Variants in SLCO3A1 observed in about 807,000 individuals in gnomAD.
SLCO3A1 encodes PGE1 transporter.
In SLCO3A1, 27 loss-of-function variants were observed where a neutral mutation model predicts 63.1. That is an observed-to-expected ratio of 0.43 (90% CI 0.32 to 0.59). The LOEUF is 0.59. SLCO3A1 is among the 20% of genes least tolerant of loss of function. The pLI, the probability that SLCO3A1 is intolerant of heterozygous loss-of-function variation, is 0.09. For synonymous variants in SLCO3A1, 473 were observed against 409.9 expected (o/e 1.15, Z -1.86); for missense variants, 773 against 945.8 (o/e 0.82, Z 2.40).
chr15:92,032,691 C>T (rs2046668475), intron 2 of SLCO3A1, among the ~76,000 whole-genome samples: 1 of 152,084 alleles, frequency 6.6e-6, no homozygotes. Context: ...CTTGCAGGTG[C>T]AGAGGCCCCC....
rs548717441 is a variant in SLCO3A1, at chr15:91,886,526, C to T, written c.181-29467C>T. On this transcript the variant is annotated intron_variant, in intron 1 of 9. Transcript: ENST00000318445. This position sits in a 1 kb window ranked among gnomAD's most constrained non-coding sequence, Gnocchi z 4.9. ...TTGGACCTGGTGATTTTCCTCTTTA[C>T]GCTTTGCCCTTCCAAAGAGAGATGG... Among the ~76,000 whole-genome samples, 7 of 152,298 alleles carry T rather than the reference C, an allele frequency of 4.6e-5. No homozygotes were observed. Among genetic ancestry groups the T allele is most frequent in the South Asian group, 2.1e-4 (1 of 4,824 alleles).
At chr15:92,152,151 A>G (rs1162274249) in intron 9 of SLCO3A1, among the ~76,000 whole-genome samples, 3 of 152,210 alleles carry the variant, frequency 2.0e-5, no homozygotes, top group Non-Finnish European at 4.4e-5. Context: ...TATTTTCTAA[A>G]TTTGTTTTAA....
intron 7 of SLCO3A1, 93 bp from the exon 8 acceptor site, chr15:92,146,891 T>C (rs1451014459): frequency 6.8e-6 from 8 of 1,181,550 alleles, no homozygotes; most frequent in African/African-American, 6.1e-5. Flanking sequence ...ACAGAATGTG[T>C]AATTAGGCTG....
Position 91,883,079 on chromosome 15 carries a change from C to G in SLCO3A1, c.180+28991C>G, listed in dbSNP as rs1022085740. 6.6e-6 allele frequency among the ~76,000 whole-genome samples: 1 copy of G among 152,230 alleles called. No individual in the cohort carries two copies. The highest frequency in any genetic ancestry group is 1.5e-5 in the Non-Finnish European group (1 of 68,046). ...AGAATGGTGAGGACTTGGGAAGGAG[C>G]CATGTGCTCCAGCCATTCAGATTCC... On this transcript the variant is annotated intron_variant, in intron 1 of 9. Coordinates refer to ENST00000318445, the MANE Select transcript of SLCO3A1 (RefSeq NM_013272.4). The surrounding 1 kb of genome is among the most constrained non-coding windows in gnomAD (Gnocchi z 4.8).
intron 2 of SLCO3A1, among the ~76,000 whole-genome samples, chr15:91,934,883 C>T (rs1304013434): frequency 1.3e-5 from 2 of 152,178 alleles, no homozygotes; most frequent in Admixed American, 6.5e-5. Flanking sequence ...ACTATAACTT[C>T]GCCTTTTTAT....
At position 91,948,926 on chromosome 15, in the gene SLCO3A1, G is replaced by GTT. The variant is rs200407433; in HGVS notation, c.646+32480_646+32481dup. Among the ~76,000 whole-genome samples the GTT allele has an allele frequency of 5.5e-5, 8 of 145,634 alleles. No individual in the cohort carries two copies. The highest frequency in any genetic ancestry group is 1.0e-4 in the African/African-American group (4 of 39,808). On this transcript the variant is annotated intron_variant, in intron 2 of 9. Coordinates refer to ENST00000318445, the MANE Select transcript of SLCO3A1 (RefSeq NM_013272.4). This position sits in a 1 kb window ranked among gnomAD's most constrained non-coding sequence, Gnocchi z 4.8. ...CATCCATTTAGGAATCAATACTTTG[G>GTT]TTTTTTTTTTTTTACTATTATTTCT... is the stretch of plus-strand genomic sequence containing the variant.
At chr15:91,898,550 A>C (rs1187602636) in intron 1 of SLCO3A1, among the ~76,000 whole-genome samples, 1 of 152,164 alleles carries the variant, frequency 6.6e-6, no homozygotes, top group Non-Finnish European at 1.5e-5. Context: ...CCTCATTTCC[A>C]GTGGATCTGG....
At chr15:91,899,392 C>G (rs933479010) in intron 1 of SLCO3A1, among the ~76,000 whole-genome samples, 1 of 152,146 alleles carries the variant, frequency 6.6e-6, no homozygotes, top group Non-Finnish European at 1.5e-5. Flanking sequence ...CACTTTGATG[C>G]ATTTGCTTAT....
chr15:92,085,194 C>G (rs2047390810), intron 2 of SLCO3A1, among the ~76,000 whole-genome samples: 1 of 152,218 alleles, frequency 6.6e-6, no homozygotes, highest in East Asian at 1.9e-4. Flanking sequence ...CTGTAGAACC[C>G]ACTCTGAATC....
At chr15:92,027,917 C>G (rs967429449) in intron 2 of SLCO3A1, among the ~76,000 whole-genome samples, 1 of 152,214 alleles carries the variant, frequency 6.6e-6, no homozygotes, top group African/African-American at 2.4e-5. Context: ...CAAGAGGAAG[C>G]TTAGGAGCAG....
chr15:92,027,300 C>G (rs899467441), intron 2 of SLCO3A1, among the ~76,000 whole-genome samples: 17 of 152,204 alleles, frequency 1.1e-4, no homozygotes, highest in African/African-American at 4.1e-4. Context: ...TGTGAACTTT[C>G]TAAACAACAC....
At chr15:92,140,495 C>T (rs535513649) in intron 7 of SLCO3A1, among the ~76,000 whole-genome samples, 21 of 151,778 alleles carry the variant, frequency 1.4e-4, no homozygotes, top group South Asian at 6.3e-4. Flanking sequence ...CTATTAGGTC[C>T]GCTTGGTGCA....
chr15:91,994,158 A>G (rs2046161699), intron 2 of SLCO3A1, among the ~76,000 whole-genome samples: 1 of 152,234 alleles, frequency 6.6e-6, no homozygotes, highest in African/African-American at 2.4e-5. Flanking sequence ...GTAGCAATAC[A>G]TAACTAATAC....
At chr15:92,107,362 T>C (rs930173671) in intron 4 of SLCO3A1, among the ~76,000 whole-genome samples, 2 of 152,214 alleles carry the variant, frequency 1.3e-5, no homozygotes, top group Non-Finnish European at 2.9e-5. Flanking sequence ...GTGCATGAAG[T>C]GGGGCCACAG....
rs1242563330 is a variant in SLCO3A1 at position 91,886,571 on chromosome 15, A to G, written c.181-29422A>G. Among the ~76,000 whole-genome samples, 3 of 152,304 alleles carry G rather than the reference A, an allele frequency of 2.0e-5. No individual in the cohort carries two copies. Among genetic ancestry groups the G allele is most frequent in the Middle Eastern group, 3.4e-3 (1 of 294 alleles). On this transcript the variant is annotated intron_variant, in intron 1 of 9. Coordinates refer to ENST00000318445, the MANE Select transcript of SLCO3A1 (RefSeq NM_013272.4). This position sits in a 1 kb window ranked among gnomAD's most constrained non-coding sequence, Gnocchi z 4.9. ...AGATGGAAGATTCAGCCTCAGCGTC[A>G]GTGTTGTTTCTACGGTGTGACCATA...
In SLCO3A1 at chr15:92,163,491, G is replaced by A; in HGVS notation, c.*356G>A. ...GCCAGCTTGGAGGATGGACATTTCT[G>A]GATACACATACACATACAAAACAGA... is the stretch of plus-strand genomic sequence containing the variant. On this transcript the variant is annotated 3_prime_UTR_variant, in exon 10 of 10. Coordinates refer to ENST00000318445, the MANE Select transcript of SLCO3A1 (RefSeq NM_013272.4). The A allele has an allele frequency of 9.9e-7, 1 of 1,013,384 alleles. No individual in the cohort carries two copies. The highest frequency in any genetic ancestry group is 1.2e-6 in the Non-Finnish European group (1 of 849,372). The allele number at this position is 1,013,384 out of a possible 1,614,324, so 62.8% of individuals were successfully genotyped here.
At chr15:92,067,841 G>T (rs34153958) in intron 2 of SLCO3A1, among the ~76,000 whole-genome samples, 18,101 of 152,192 alleles carry the variant, frequency 0.12, 1,229 homozygotes, top group East Asian at 0.27. Context: ...TTCTGCAGGC[G>T]GGGACGTCCA....
chr15:91,857,346 G>T (rs2039521151), intron 1 of SLCO3A1, among the ~76,000 whole-genome samples: 1 of 152,142 alleles, frequency 6.6e-6, no homozygotes, highest in African/African-American at 2.4e-5. Context: ...ATCTATTACG[G>T]TTACAAACAT....
chr15:91,965,000 G>A (rs958487904), intron 2 of SLCO3A1, among the ~76,000 whole-genome samples: 3 of 152,050 alleles, frequency 2.0e-5, no homozygotes, highest in Non-Finnish European at 2.9e-5. Context: ...CAGCTTTTGG[G>A]AGGATTACAG....
Sources: gnomAD v4.1 joint callset for allele counts (sites outside exome capture counted in the v4.1 genomes callset) on GRCh38, gnomAD v4.1.1 for gene constraint, Gnocchi (gnomAD v3.1) non-coding constraint, MANE v1.5 for transcripts, NCBI Gene and HGNC (gene_info 2026-07-23, HGNC 2026-07-21) for gene names.